Variants in RAD51AP2 observed in about 807,000 individuals in gnomAD.
RAD51AP2 encodes RAD51-associated protein 2.
RAD51AP2 carries 67 observed loss-of-function variants against 85.5 expected under a neutral mutation model. The observed-to-expected ratio is 0.78, with a 90% CI of 0.64 to 0.96. The LOEUF (loss-of-function observed/expected upper bound fraction) is 0.96, where lower values mean the gene tolerates loss of function less well. RAD51AP2 is among the 40% of genes least tolerant of loss of function. The pLI is 0.00. For missense variants in RAD51AP2, 1,307 were observed against 1,332.4 expected (o/e 0.98, Z 0.30); for synonymous variants, 474 against 446.5 (o/e 1.06, Z -0.78).
At chr2:17,530,793 T>A in the RAD51AP2 span, among the ~76,000 whole-genome samples, 143 of 152,116 alleles carry the variant, frequency 9.4e-4, no homozygotes, top group Non-Finnish European at 1.8e-3. Context: ...TTAGAAGTCT[T>A]AATAAAGGCC....
At chr2:17,523,414 G>A (rs891008928), upstream of RAD51AP2, among the ~76,000 whole-genome samples, 4 of 151,780 alleles carry the variant, frequency 2.6e-5, no homozygotes, top group Admixed American at 2.6e-4. Context: ...ATATGCTACA[G>A]ATCAGAGCTT....
the RAD51AP2 span, among the ~76,000 whole-genome samples, chr2:17,534,605 G>C: frequency 6.6e-6 from 1 of 151,772 alleles, no homozygotes; most frequent in Non-Finnish European, 1.5e-5. Context: ...CCTTCCTAAG[G>C]AGTTGATCTC....
chr2:17,526,374 T>A, the RAD51AP2 span, among the ~76,000 whole-genome samples: 1 of 152,042 alleles, frequency 6.6e-6, no homozygotes, highest in South Asian at 2.1e-4. Context: ...TATATGTGGT[T>A]CCTTGTTGGA....
chr2:17,516,883 T>G lies in RAD51AP2; in HGVS notation c.1533A>C (p.Ile511=). Residue 511 remains isoleucine, a synonymous_variant, in exon 1 of 3, where the codon ATA becomes ATC. Coordinates refer to ENST00000399080, the MANE Select transcript of RAD51AP2 (RefSeq NM_001099218.3). The part of the protein sequence containing the change: ...HVNNPFESFI[I]EIFYFHKSIS... ...TACTTTTATGGAAATAAAAAATTTC[T>G]ATAATGAAACTTTCAAAAGGGTTGT... 2 of 1,569,612 alleles carry G rather than the reference T, an allele frequency of 1.3e-6. No homozygotes were observed. The highest frequency in any genetic ancestry group is 1.7e-6 in the Non-Finnish European group (2 of 1,158,074).
chr2:17,511,161 A>T (rs1275968282), intron 2 of RAD51AP2, among the ~76,000 whole-genome samples: 1 of 152,208 alleles, frequency 6.6e-6, no homozygotes, highest in African/African-American at 2.4e-5. Context: ...CAAAAAGTTA[A>T]GTAACTTGCC....
At position 17,515,151 on chromosome 2, in the gene RAD51AP2, C is replaced by A; in HGVS notation, c.3247+18G>T. On this transcript the variant is annotated intron_variant, in intron 1 of 2. Coordinates refer to ENST00000399080, the MANE Select transcript of RAD51AP2 (RefSeq NM_001099218.3). ...TTTTTCTAGCATGAGAAATAATGTT[C>A]TAAAATGAATTTCATACCTTTCTCA... 6.6e-7 allele frequency: 1 copy of A among 1,524,028 alleles called. No individual in the cohort carries two copies. Among genetic ancestry groups the A allele is most frequent in the South Asian group, 1.4e-5 (1 of 73,880 alleles). The allele number at this position is 1,524,028 out of a possible 1,614,324, so 94.4% of individuals were successfully genotyped here. A position where few individuals can be genotyped will look rare whatever the true frequency, so the allele number is the denominator to read the frequency against.
In RAD51AP2 at chr2:17,517,309, T is replaced by G. The variant is rs1422411658; in HGVS notation, c.1107A>C (p.Ile369=). ...CTTCCTCCCAATTTGCATTTTCTAG[T>G]ATAGCGAAATTCTTTCTAGAGTCTC... The part of the protein sequence containing the change: ...NVRDSRKNFA[I]LENANWEEAE... The change falls in exon 1 of 3, where the codon ATA becomes ATC. Residue 369 remains isoleucine (I), a synonymous_variant. Coordinates refer to ENST00000399080, the MANE Select transcript of RAD51AP2 (RefSeq NM_001099218.3). 1.4e-5 allele frequency: 23 copies of G among 1,613,956 alleles called. No individual in the cohort carries two copies. Among genetic ancestry groups the G allele is most frequent in the Non-Finnish European group, 1.9e-5 (23 of 1,179,974 alleles).
chr2:17,533,110 A>G, the RAD51AP2 span, among the ~76,000 whole-genome samples: 2 of 152,108 alleles, frequency 1.3e-5, no homozygotes, highest in Non-Finnish European at 2.9e-5. Flanking sequence ...TCTTCTCTTT[A>G]TACTCCTCCT....
In RAD51AP2 at chr2:17,515,349, T is replaced by C. The variant is rs369431276; in HGVS notation, c.3067A>G (p.Asn1023Asp). Reference sequence around the variant, plus strand: ...AACGAGGAAGATGCACGTATTTTGTTGACCACAACCATTTTCAAATCTTTT... The same window carrying C: ...AACGAGGAAGATGCACGTATTTTGTCGACCACAACCATTTTCAAATCTTTT... ...IEKDLKMVVVNKIRASSSFHD... is the reference protein window; with the variant it reads ...IEKDLKMVVVDKIRASSSFHD... The change falls in exon 1 of 3, where the codon AAC becomes GAC. Residue 1023 changes from asparagine (N) to aspartate (D), a missense_variant. This residue lies in a region of RAD51AP2 where 668 missense variants were observed against 671.0 expected (regional missense o/e 1.00). Coordinates refer to ENST00000399080, the MANE Select transcript of RAD51AP2 (RefSeq NM_001099218.3). 2 of 1,612,250 alleles carry C rather than the reference T, an allele frequency of 1.2e-6. No homozygotes were observed. Among genetic ancestry groups the C allele is most frequent in the Non-Finnish European group, 1.7e-6 (2 of 1,179,572 alleles).
the RAD51AP2 span, among the ~76,000 whole-genome samples, chr2:17,531,524 T>G: frequency 2.6e-5 from 4 of 152,194 alleles, no homozygotes; most frequent in Non-Finnish European, 5.9e-5. Context: ...AAAATGACAT[T>G]ATATGGATCA....
chr2:17,534,990 C>T, the RAD51AP2 span, among the ~76,000 whole-genome samples: 3 of 152,068 alleles, frequency 2.0e-5, no homozygotes, highest in African/African-American at 7.2e-5. Context: ...CAGACTTTGG[C>T]TTTTATTTAA....
chr2:17,518,132 C>A lies in RAD51AP2; in HGVS notation c.284G>T (p.Ser95Ile). 1 of 1,614,222 alleles carries A rather than the reference C, an allele frequency of 6.2e-7. No individual in the cohort carries two copies. Among genetic ancestry groups the A allele is most frequent in the Non-Finnish European group, 8.5e-7 (1 of 1,180,046 alleles). ...STDSCVEKSV[S>I]GKQICNLKCS... is the part of the protein sequence containing the mutation. ...TTTCAGATTACATATCTGCTTCCCA[C>A]TGACTGATTTCTCCACACACGAGTC... Residue 95 changes from serine (S) to isoleucine (I), a missense_variant, in exon 1 of 3, where the codon AGT becomes ATT. Ser to Ile is a moderately radical substitution (Grantham distance 142, BLOSUM62 -2). Around this residue, in one of 3 missense-constraint regions of RAD51AP2, gnomAD observed 635 missense variants for 643.6 expected, o/e 0.99. Transcript: ENST00000399080.
At chr2:17,527,750 TA>T in the RAD51AP2 span, among the ~76,000 whole-genome samples, 1 of 152,166 alleles carries the variant, frequency 6.6e-6, no homozygotes, top group Non-Finnish European at 1.5e-5. Flanking sequence ...AAGTATATCA[TA>T]AGGATGAGGG....
In RAD51AP2 at chr2:17,516,157, A is replaced by T; in HGVS notation, c.2259T>A (p.Phe753Leu). 6.2e-7 allele frequency: 1 copy of T among 1,613,162 alleles called. No individual in the cohort carries two copies. The highest frequency in any genetic ancestry group is 8.5e-7 in the Non-Finnish European group (1 of 1,179,588). The change falls in exon 1 of 3, where the codon TTT becomes TTA. Residue 753 changes from phenylalanine (F) to leucine (L), a missense_variant. Coordinates refer to ENST00000399080, the MANE Select transcript of RAD51AP2 (RefSeq NM_001099218.3). ...QNNRGYINEN[F>L]YEVNMHSQDL... ...CTTGGCTGTGCATATTTACTTCATA[A>T]AAATTTTCATTAATGTATCCTCGGT...
In RAD51AP2 at chr2:17,517,139, G is replaced by A; in HGVS notation, c.1277C>T (p.Thr426Ile). 1 of 1,609,040 alleles carries A rather than the reference G, an allele frequency of 6.2e-7. No homozygotes were observed. Among genetic ancestry groups the A allele is most frequent in the Non-Finnish European group, 8.5e-7 (1 of 1,178,254 alleles). Residue 426 changes from threonine to isoleucine, a missense_variant, in exon 1 of 3, where the codon ACT (threonine) becomes ATT (isoleucine). Around this residue, in one of 3 missense-constraint regions of RAD51AP2, gnomAD observed 635 missense variants for 643.6 expected, o/e 0.99. Coordinates refer to ENST00000399080, the MANE Select transcript of RAD51AP2 (RefSeq NM_001099218.3). ...TAATAGCCAATTCCATTTTTCTTCA[G>A]TTTTTTTCATATTTTCACATTTAGT... Reference protein sequence around the residue: ...CKTKCENMKKTEEKWNWLLLL... With the variant: ...CKTKCENMKKIEEKWNWLLLL...
At chr2:17,535,029 G>C in the RAD51AP2 span, among the ~76,000 whole-genome samples, 1 of 152,144 alleles carries the variant, frequency 6.6e-6, no homozygotes, top group Non-Finnish European at 1.5e-5. Context: ...TCATTATATA[G>C]TATCTTATGT....
the RAD51AP2 span, among the ~76,000 whole-genome samples, chr2:17,523,662 G>A: frequency 1.4e-4 from 21 of 151,982 alleles, no homozygotes; most frequent in East Asian, 2.9e-3. Flanking sequence ...AAAGAAGCTC[G>A]TTGTAGTTAG....
upstream of RAD51AP2, among the ~76,000 whole-genome samples, chr2:17,518,622 C>T: frequency 6.6e-6 from 1 of 151,026 alleles, no homozygotes; most frequent in African/African-American, 2.4e-5. Flanking sequence ...TCTCCCTGCC[C>T]CCACCCACGC....
chr2:17,523,661 C>T, the RAD51AP2 span, among the ~76,000 whole-genome samples: 5 of 151,776 alleles, frequency 3.3e-5, no homozygotes, highest in African/African-American at 4.8e-5. Flanking sequence ...AAAAGAAGCT[C>T]GTTGTAGTTA....
Sources: gnomAD v4.1 joint callset for allele counts (sites outside exome capture counted in the v4.1 genomes callset) on GRCh38, gnomAD v4.1.1 for gene constraint, gnomAD v4.1.1 regional missense constraint, MANE v1.5 for transcripts, NCBI Gene and HGNC (gene_info 2026-07-23, HGNC 2026-07-21) for gene names.